Variants in EXOC7 observed in about 807,000 individuals in gnomAD.
EXOC7 encodes the protein exocyst complex component 7.
In EXOC7, 51 loss-of-function variants were observed where a neutral mutation model predicts 87.6. The ratio of observed to expected loss-of-function variants is 0.58; its 90% confidence interval spans 0.46 to 0.73. EXOC7 has a LOEUF of 0.73. Ranked by LOEUF, EXOC7 falls within the 30% of genes least tolerant of loss-of-function variation. The pLI is 0.00. For missense variants in EXOC7, 744 were observed against 888.4 expected (o/e 0.84, Z 2.07); for synonymous variants, 327 against 357.1 (o/e 0.92, Z 0.95).
rs1467406202 is a variant in EXOC7, at chr17:76,083,735, G to A, written c.1968C>T (p.Pro656=). 6.2e-7 allele frequency: 1 copy of A among 1,613,196 alleles called. No individual in the cohort carries two copies. The highest frequency in any genetic ancestry group is 8.5e-7 in the Non-Finnish European group (1 of 1,180,000). The part of the protein sequence containing the change: ...GAFLQKFGSV[P]FTKNPEKYIK... ...TGTACTTCTCCGGGTTCTTGGTGAA[G>A]GGCACGCTGCCAAACCTGAGGAGGC... is the stretch of plus-strand genomic sequence containing the variant. Residue 656 remains proline, a synonymous_variant, in exon 19 of 19, where the codon CCC becomes CCT. Transcript: ENST00000589210.
intron 5 of EXOC7, among the ~76,000 whole-genome samples, chr17:76,095,563 GA>G (rs375315841): frequency 7.3e-4 from 111 of 152,254 alleles, no homozygotes; most frequent in African/African-American, 2.4e-3. Flanking sequence ...GTCAGTGAAT[GA>G]AAAACACACA....
intron 12 of EXOC7, 102 bp downstream of exon 12, chr17:76,087,552 C>A: frequency 1.6e-6 from 2 of 1,219,366 alleles, no homozygotes; most frequent in African/African-American, 1.5e-5. Flanking sequence ...TCAACCCCTC[C>A]ACAGACTGGA....
Position 76,081,139 on chromosome 17 carries a change from G to C in EXOC7, c.*2509C>G. Reference sequence around the variant, plus strand: ...ACAAGGTTTGGGAAGCCCTTCTATGGATCGGTTTTGTGTCCAAGTCTGTCC... The same window carrying C: ...ACAAGGTTTGGGAAGCCCTTCTATGCATCGGTTTTGTGTCCAAGTCTGTCC... On this transcript the variant is annotated 3_prime_UTR_variant, in exon 19 of 19. Transcript: ENST00000589210. The C allele has an allele frequency of 8.1e-7, 1 of 1,231,492 alleles. No individual in the cohort carries two copies. Among genetic ancestry groups the C allele is most frequent in the South Asian group, 1.5e-5 (1 of 68,514 alleles). The allele number at this position is 1,231,492 out of a possible 1,614,324, so 76.3% of individuals were successfully genotyped here.
intron 7 of EXOC7, chr17:76,090,471 G>A: frequency 1.3e-6 from 2 of 1,551,562 alleles, no homozygotes; most frequent in Non-Finnish European, 1.7e-6. Context: ...TTGGGGTACA[G>A]GGAAGAAGCC....
chr17:76,103,503 A>G, intron 1 of EXOC7, 77 bp from the exon 2 acceptor site: 1 of 1,553,316 alleles, frequency 6.4e-7, no homozygotes, highest in Non-Finnish European at 8.7e-7. Context: ...CCCACGGCCT[A>G]GCCCCCAACC....
rs766973041 is a variant in EXOC7 at position 76,081,256 on chromosome 17, A to G, written c.*2392T>C. 16 of 1,612,634 alleles carry G rather than the reference A, an allele frequency of 9.9e-6. No individual in the cohort carries two copies. Among genetic ancestry groups the G allele is most frequent in the Non-Finnish European group, 1.4e-5 (16 of 1,179,744 alleles). On this transcript the variant is annotated 3_prime_UTR_variant, in exon 19 of 19. Transcript: ENST00000589210. ...CTGGGATCTCTCCTTCCTGGTTCATAGTTCTCATTCCCACCCCTCAGCGAT... is the reference window on the plus strand; with the variant it reads ...CTGGGATCTCTCCTTCCTGGTTCATGGTTCTCATTCCCACCCCTCAGCGAT...
At position 76,085,664 on chromosome 17, in the gene EXOC7, G is replaced by T. The variant is rs376267385; in HGVS notation, c.1616+13C>A. The T allele has an allele frequency of 2.5e-6, 4 of 1,613,818 alleles. No homozygotes were observed. The highest frequency in any genetic ancestry group is 3.4e-6 in the Non-Finnish European group (4 of 1,180,018). ...AGGTGAGAGCCGCAGACTCACTCCC[G>T]CAGGCCACTTACTTCTCCAGGGACT... On this transcript the variant is annotated intron_variant, in intron 14 of 18. Transcript: ENST00000589210.
chr17:76,091,818 C>T (rs2067495282), intron 6 of EXOC7: 1 of 153,422 alleles, frequency 6.5e-6, no homozygotes, highest in Non-Finnish European at 1.5e-5. Context: ...TAGCCCCACA[C>T]CAGAGTTCCC....
chr17:76,086,193 T>C (rs1265467202), intron 12 of EXOC7, 48 bp from the exon 13 acceptor site: 1 of 1,569,548 alleles, frequency 6.4e-7, no homozygotes. Flanking sequence ...GCCAAGACCC[T>C]CAACGGCCCT....
chr17:76,088,161 C>T (rs1419900272), intron 10 of EXOC7, 39 bp from the exon 11 acceptor site: 2 of 1,602,092 alleles, frequency 1.2e-6, no homozygotes, highest in African/African-American at 2.7e-5. Context: ...AAGCAGCCCC[C>T]AGCCCACCCC....
chr17:76,098,364 G>C (rs1254775844), intron 4 of EXOC7, among the ~76,000 whole-genome samples: 1 of 151,426 alleles, frequency 6.6e-6, no homozygotes, highest in Non-Finnish European at 1.5e-5. Flanking sequence ...TTGATCTCCT[G>C]ACCTCAGGTG....
chr17:76,094,809 G>A (rs906715754), intron 5 of EXOC7, among the ~76,000 whole-genome samples: 5 of 151,176 alleles, frequency 3.3e-5, no homozygotes, highest in Admixed American at 1.3e-4. Flanking sequence ...GCAGTGGCAC[G>A]ATGTCAGCTC....
chr17:76,081,369 A>G lies in EXOC7; in HGVS notation c.*2279T>C, dbSNP rs1470698057. 1 of 1,614,086 alleles carries G rather than the reference A, an allele frequency of 6.2e-7. No individual in the cohort carries two copies. The highest frequency in any genetic ancestry group is 1.7e-5 in the Admixed American group (1 of 60,016). ...TTTATGATCTGAAGACCCAAGTCCCACCCCAGCAGCTGGTGCCCTGCTTCC... is the reference window on the plus strand; with the variant it reads ...TTTATGATCTGAAGACCCAAGTCCCGCCCCAGCAGCTGGTGCCCTGCTTCC... On this transcript the variant is annotated 3_prime_UTR_variant, in exon 19 of 19. Coordinates refer to ENST00000589210, the MANE Select transcript of EXOC7 (RefSeq NM_001013839.4).
At chr17:76,095,573 CAT>C (rs2144668152) in intron 5 of EXOC7, among the ~76,000 whole-genome samples, 1 of 152,284 alleles carries the variant, frequency 6.6e-6, no homozygotes, top group South Asian at 2.1e-4. Flanking sequence ...GAAAAACACA[CAT>C]CTTTAGCCAT....
intron 4 of EXOC7, among the ~76,000 whole-genome samples, chr17:76,099,797 T>TA (rs775408033): frequency 5.9e-5 from 9 of 152,052 alleles, no homozygotes; most frequent in African/African-American, 1.2e-4. Context: ...CCCCAAAACT[T>TA]AAACACAAAA....
chr17:76,086,853 C>A (rs1466416633), intron 12 of EXOC7: 1 of 1,551,118 alleles, frequency 6.4e-7, no homozygotes, highest in Non-Finnish European at 8.7e-7. Context: ...GCACTGCTTA[C>A]CTCGGGGGTC....
chr17:76,090,550 T>A (rs2067432728), intron 7 of EXOC7: 1 of 1,467,354 alleles, frequency 6.8e-7, no homozygotes, highest in African/African-American at 1.4e-5. Flanking sequence ...CCTGAGCCCC[T>A]CCTCTACCTC....
chr17:76,082,107 G>A lies in EXOC7; in HGVS notation c.*1541C>T. On this transcript the variant is annotated 3_prime_UTR_variant, in exon 19 of 19. Transcript: ENST00000589210. ...CTAGGTGCACACCTAGGGCTGGGGT[G>A]AGGGCACGGAGGTCCAGGTGTGGGT... The A allele has an allele frequency of 6.6e-7, 1 of 1,520,844 alleles. No homozygotes were observed. Among genetic ancestry groups the A allele is most frequent in the Non-Finnish European group, 8.8e-7 (1 of 1,138,178 alleles). The allele number at this position is 1,520,844 out of a possible 1,614,324, so 94.2% of individuals were successfully genotyped here.
intron 5 of EXOC7, among the ~76,000 whole-genome samples, chr17:76,097,112 T>C (rs1273617152): frequency 6.6e-6 from 1 of 152,104 alleles, no homozygotes; most frequent in African/African-American, 2.4e-5. Context: ...CCTCCCAAAC[T>C]GTTAGGATTA....
Sources: allele counts gnomAD v4.1 joint callset (sites outside exome capture counted in the v4.1 genomes callset), GRCh38; gene constraint gnomAD v4.1.1; transcripts MANE v1.5; gene names NCBI Gene and HGNC (gene_info 2026-07-23, HGNC 2026-07-21).